ST18: variants seen among roughly 807,000 people sequenced by gnomAD.
The protein encoded by ST18 is ST18 C2H2C-type zinc finger transcription factor.
A neutral mutation model predicts 110.0 loss-of-function variants in ST18; 50 were observed. The ratio of observed to expected loss-of-function variants is 0.45; its 90% CI spans 0.36 to 0.58. The LOEUF (loss-of-function observed/expected upper bound fraction) is 0.58. ST18 is among the 20% of genes least tolerant of loss of function. The pLI is 0.00. For synonymous variants in ST18, 461 were observed against 452.4 expected, an observed-to-expected ratio of 1.02 and a Z score of -0.24; for missense variants, 1,306 against 1,280.1, an observed-to-expected ratio of 1.02 and a Z score of -0.31.
At chr8:52,409,282 G>A (rs1331156653) in intron 2 of ST18, 46 bp downstream of exon 2, 1 of 152,212 alleles carries the variant, frequency 6.6e-6, no homozygotes, top group South Asian at 2.1e-4. Flanking sequence ...AACCCAGTGC[G>A]ATGTAATAAA....
intron 2 of ST18, among the ~76,000 whole-genome samples, chr8:52,310,387 CTTTTAT>C (rs1449072612): frequency 1.7e-4 from 22 of 129,794 alleles, no homozygotes; most frequent in African/African-American, 6.6e-4. Flanking sequence ...ACTACTGTGT[CTTTTAT>C]TCCTTTATTC....
intron 2 of ST18, among the ~76,000 whole-genome samples, chr8:52,270,172 T>C (rs79666338): frequency 0.084 from 12,771 of 152,270 alleles, 594 homozygotes; most frequent in East Asian, 0.16. Context: ...TTCTTTTATA[T>C]TGTTGTGAAT....
At chr8:52,162,876 T>C (rs546347708) in intron 13 of ST18, among the ~76,000 whole-genome samples, 9 of 152,188 alleles carry the variant, frequency 5.9e-5, no homozygotes, top group Non-Finnish European at 2.9e-5. Context: ...AAGTTTCCAA[T>C]GAGTTTTTTT....
chr8:52,266,252 C>T (rs959535321), intron 2 of ST18, among the ~76,000 whole-genome samples: 1 of 152,152 alleles, frequency 6.6e-6, no homozygotes, highest in African/African-American at 2.4e-5. Context: ...TGAGGCTGGT[C>T]TGATGGATCT....
chr8:52,214,278 C>T (rs1023305123), intron 6 of ST18, 21 bp from the exon 7 acceptor site: 24 of 1,613,124 alleles, frequency 1.5e-5, no homozygotes, highest in Non-Finnish European at 2.0e-5. Flanking sequence ...AACACAAAGT[C>T]CTGAGGTCAT....
chr8:52,330,962 G>C (rs1809023415), intron 2 of ST18, among the ~76,000 whole-genome samples: 3 of 152,178 alleles, frequency 2.0e-5, no homozygotes, highest in Admixed American at 2.0e-4. Flanking sequence ...AGACAGAGGA[G>C]AGCCAAGGCA....
intron 2 of ST18, among the ~76,000 whole-genome samples, chr8:52,320,794 A>T (rs766265551): frequency 6.6e-6 from 1 of 152,218 alleles, no homozygotes. Flanking sequence ...TTAAAGATGC[A>T]TCTGCCTTAT....
In ST18 at chr8:52,165,001, C is replaced by G. The variant is rs113489240; in HGVS notation, c.1295+134G>C. On this transcript the variant is annotated intron_variant, in intron 12 of 25. Coordinates refer to ENST00000689386, the MANE Select transcript of ST18 (RefSeq NM_001352837.2). Reference sequence around the variant, plus strand: ...AATGCACATGCTGAGAATATTTCTTCTCTATTTCAAGTGTCACATATTGGA... The same window carrying G: ...AATGCACATGCTGAGAATATTTCTTGTCTATTTCAAGTGTCACATATTGGA... 6.7e-3 allele frequency: 5,045 copies of G among 758,174 alleles called. 24 individuals are homozygous for G. Among genetic ancestry groups the G allele is most frequent in the Non-Finnish European group, 0.01 (4,550 of 453,624 alleles). 47.0% of individuals were successfully genotyped at this position (758,174 alleles called of 1,614,324 possible).
At chr8:52,391,538 A>G (rs1423866573) in intron 2 of ST18, among the ~76,000 whole-genome samples, 2 of 152,126 alleles carry the variant, frequency 1.3e-5, no homozygotes, top group Non-Finnish European at 2.9e-5. Flanking sequence ...CCACATTTTT[A>G]CTGTATTTTT....
At position 52,172,465 on chromosome 8, in the gene ST18, G is replaced by A. The variant is rs1179005374; in HGVS notation, c.396C>T (p.His132=). The A allele has an allele frequency of 1.2e-6, 2 of 1,613,642 alleles. No homozygotes were observed. Among genetic ancestry groups the A allele is most frequent in the East Asian group, 4.5e-5 (2 of 44,886 alleles). ...YQELMVKSLM[H]LGKFEKNVSV... is the part of the protein sequence containing the mutation. Reference sequence around the variant, plus strand: ...ATACATTTTTTTCAAATTTCCCCAAGTGCATTAAAGACTTGACCATGAGCT... The same window carrying A: ...ATACATTTTTTTCAAATTTCCCCAAATGCATTAAAGACTTGACCATGAGCT... Residue 132 remains histidine (H), a synonymous_variant, in exon 10 of 26, where the codon CAC becomes CAT. Coordinates refer to ENST00000689386, the MANE Select transcript of ST18 (RefSeq NM_001352837.2).
intron 2 of ST18, among the ~76,000 whole-genome samples, chr8:52,312,732 G>A (rs760976995): frequency 6.6e-6 from 1 of 152,168 alleles, no homozygotes; most frequent in Non-Finnish European, 1.5e-5. Flanking sequence ...CCAAATGCCT[G>A]GCCACAAGAA....
intron 6 of ST18, among the ~76,000 whole-genome samples, chr8:52,215,293 C>A (rs1362200602): frequency 6.6e-6 from 1 of 151,988 alleles, no homozygotes; most frequent in Non-Finnish European, 1.5e-5. Flanking sequence ...TTTAATAAAC[C>A]TTTTATGTGC....
At chr8:52,224,044 C>T (rs536433773) in intron 3 of ST18, among the ~76,000 whole-genome samples, 9 of 152,248 alleles carry the variant, frequency 5.9e-5, no homozygotes, top group South Asian at 2.1e-4. Context: ...AGCTCTTAAT[C>T]GCTCTTCTAA....
chr8:52,340,299 A>C (rs1814283416), intron 2 of ST18, among the ~76,000 whole-genome samples: 1 of 152,218 alleles, frequency 6.6e-6, no homozygotes, highest in African/African-American at 2.4e-5. Context: ...CAGACCAACA[A>C]TTCTTTAAGC....
At chr8:52,192,021 A>T (rs1314422114) in intron 8 of ST18, among the ~76,000 whole-genome samples, 1 of 152,170 alleles carries the variant, frequency 6.6e-6, no homozygotes, top group Non-Finnish European at 1.5e-5. Context: ...CAACCTGGCC[A>T]GGTGGAGTTG....
At chr8:52,150,975 G>A (rs1170658839) in intron 15 of ST18, 1 of 152,214 alleles carries the variant, frequency 6.6e-6, no homozygotes, top group Non-Finnish European at 1.5e-5. Flanking sequence ...CAGAAGGTAG[G>A]AGGAAGCTGC....
intron 2 of ST18, among the ~76,000 whole-genome samples, chr8:52,343,767 A>G (rs151151669): frequency 6.6e-6 from 1 of 152,366 alleles, no homozygotes; most frequent in African/African-American, 2.4e-5. Context: ...ACAGATTTGC[A>G]AAACATTTCT....
At chr8:52,194,866 T>C (rs1202435744) in intron 8 of ST18, 5 of 152,216 alleles carry the variant, frequency 3.3e-5, no homozygotes, top group Non-Finnish European at 4.4e-5. Context: ...TCATATCATT[T>C]TAAAGATAAT....
At chr8:52,128,285 T>A (rs1292922261) in intron 22 of ST18, among the ~76,000 whole-genome samples, 2 of 152,180 alleles carry the variant, frequency 1.3e-5, no homozygotes, top group African/African-American at 2.4e-5. Context: ...TTAAATTATA[T>A]CTTCATCTGC....
Sources: gnomAD v4.1 joint callset for allele counts (sites outside exome capture counted in the v4.1 genomes callset) on GRCh38, gnomAD v4.1.1 for gene constraint, MANE v1.5 for transcripts, NCBI Gene and HGNC (gene_info 2026-07-23, HGNC 2026-07-21) for gene names.